TRIO: variants seen among roughly 807,000 people sequenced by gnomAD.
TRIO encodes triple functional domain protein.
In TRIO, 58 loss-of-function variants were observed where a neutral mutation model predicts 351.9. The ratio of observed to expected loss-of-function variants is 0.16; its 90% CI spans 0.13 to 0.21. TRIO has a LOEUF of 0.21. Ranked by LOEUF, TRIO falls within the 10% of genes least tolerant of loss-of-function variation. The probability of loss-of-function intolerance (pLI) is 1.00; values close to 1 mark genes in which losing one functional copy is unlikely to be tolerated. For synonymous variants in TRIO, 1,758 were observed against 1,595.7 expected (o/e 1.10, Z -2.42); for missense variants, 3,201 against 4,027.8 (o/e 0.79, Z 5.56).
At chr5:14,265,010 T>C (rs894062857) in intron 1 of TRIO, among the ~76,000 whole-genome samples, 1 of 152,242 alleles carries the variant, frequency 6.6e-6, no homozygotes, top group African/African-American at 2.4e-5. Flanking sequence ...TTTCTGGTTG[T>C]TTAAAAATAC....
chr5:14,242,416 C>T (rs1406137684), intron 1 of TRIO, among the ~76,000 whole-genome samples: 2 of 152,198 alleles, frequency 1.3e-5, no homozygotes, highest in African/African-American at 4.8e-5. Context: ...GGGCTCTTGT[C>T]AATTCTTATG....
chr5:14,298,537 C>T (rs760112930), intron 7 of TRIO, among the ~76,000 whole-genome samples: 3 of 152,182 alleles, frequency 2.0e-5, no homozygotes, highest in Non-Finnish European at 2.9e-5. Context: ...AATAGTATCT[C>T]TTTCATCTAG....
intron 11 of TRIO, among the ~76,000 whole-genome samples, chr5:14,338,858 G>A (rs1741671854): frequency 1.3e-5 from 2 of 152,194 alleles, no homozygotes; most frequent in African/African-American, 2.4e-5. Flanking sequence ...CCAGAGCCAG[G>A]TGGTTGGAGC....
At chr5:14,266,959 GT>G (rs1404881704) in intron 1 of TRIO, among the ~76,000 whole-genome samples, 1 of 152,158 alleles carries the variant, frequency 6.6e-6, no homozygotes, top group African/African-American at 2.4e-5. Flanking sequence ...CTGTTTCACT[GT>G]TTCCTGAAGC....
At chr5:14,237,854 G>A (rs1358992951) in intron 1 of TRIO, among the ~76,000 whole-genome samples, 1 of 152,124 alleles carries the variant, frequency 6.6e-6, no homozygotes, top group Non-Finnish European at 1.5e-5. Context: ...CTGCTTGCTT[G>A]GTTTTAATTT....
intron 10 of TRIO, among the ~76,000 whole-genome samples, chr5:14,336,050 G>A (rs1354703305): frequency 1.3e-5 from 2 of 152,208 alleles, no homozygotes; most frequent in African/African-American, 4.8e-5. Context: ...AAGTAGAAAT[G>A]TGTGAAAAGG....
At chr5:14,160,861 T>A (rs1429756420) in intron 1 of TRIO, among the ~76,000 whole-genome samples, 1 of 152,218 alleles carries the variant, frequency 6.6e-6, no homozygotes, top group African/African-American at 2.4e-5. Context: ...TTTGTTTGCA[T>A]GGTCTAGGAT....
chr5:14,307,405 T>C (rs769260432), intron 8 of TRIO, among the ~76,000 whole-genome samples: 1 of 152,250 alleles, frequency 6.6e-6, no homozygotes, highest in Non-Finnish European at 1.5e-5. Context: ...TGGAACGTTC[T>C]TTAGTCTTTC....
At chr5:14,414,452 G>A (rs1448599989) in intron 33 of TRIO, among the ~76,000 whole-genome samples, 2 of 152,092 alleles carry the variant, frequency 1.3e-5, no homozygotes, top group African/African-American at 2.4e-5. Context: ...CAAGTCTTCC[G>A]AGATCAATCT....
At chr5:14,433,201 A>G (rs1751317390) in intron 34 of TRIO, among the ~76,000 whole-genome samples, 1 of 152,252 alleles carries the variant, frequency 6.6e-6, no homozygotes, top group Non-Finnish European at 1.5e-5. Flanking sequence ...GTGAAAAGAT[A>G]GTAAATAAAG....
In TRIO at chr5:14,381,126, C is replaced by A. The variant is rs374786524; in HGVS notation, c.3448-4C>A. 1 of 1,613,040 alleles carries A rather than the reference C, an allele frequency of 6.2e-7. No homozygotes were observed. Among genetic ancestry groups the A allele is most frequent in the Non-Finnish European group, 8.5e-7 (1 of 1,179,488 alleles). On this transcript the variant is annotated splice_region_variant and splice_polypyrimidine_tract_variant and intron_variant, in intron 20 of 56. Coordinates refer to ENST00000344204, the MANE Select transcript of TRIO (RefSeq NM_007118.4). The stretch of plus-strand genomic sequence containing the variant: ...CTGACTCCATTCATTCCTTCCCCTT[C>A]CAGGCTTTGGAATGGATCCATGACA...
At chr5:14,415,310 C>T (rs1456320214) in intron 33 of TRIO, among the ~76,000 whole-genome samples, 1 of 152,182 alleles carries the variant, frequency 6.6e-6, no homozygotes, top group African/African-American at 2.4e-5. Context: ...TCACCCACCA[C>T]ACCAGTCCGA....
intron 34 of TRIO, among the ~76,000 whole-genome samples, chr5:14,447,178 G>GC (rs537817132): frequency 6.6e-6 from 1 of 152,164 alleles, no homozygotes; most frequent in Non-Finnish European, 1.5e-5. Flanking sequence ...GTCACAGTGA[G>GC]CCAAGATCAA....
intron 1 of TRIO, among the ~76,000 whole-genome samples, chr5:14,255,808 C>T (rs923421400): frequency 1.3e-5 from 2 of 152,120 alleles, no homozygotes; most frequent in African/African-American, 2.4e-5. Context: ...GAATTTTCCA[C>T]TTGTGGTAGA....
Position 14,488,060 on chromosome 5 carries a change from C to A in TRIO, c.7432C>A (p.Pro2478Thr), listed in dbSNP as rs1315149477. 6.2e-7 allele frequency: 1 copy of A among 1,610,012 alleles called. No individual in the cohort carries two copies. Among genetic ancestry groups the A allele is most frequent in the Admixed American group, 1.7e-5 (1 of 59,906 alleles). ...CAAGGAGCCCTTCCCCCCCAGCAGC[C>A]CCCTGCAGAAGGGGGGCTCCTTCTG... The part of the protein sequence containing the change: ...LGKEPFPPSS[P>T]LQKGGSFWSS... The change falls in exon 48 of 57, where the codon CCC becomes ACC. Residue 2478 changes from proline (P) to threonine (T), a missense_variant. By Grantham distance (38) the Pro-to-Thr change is conservative. Transcript: ENST00000344204.
At chr5:14,371,641 TG>T (rs1745112989) in intron 18 of TRIO, among the ~76,000 whole-genome samples, 2 of 149,144 alleles carry the variant, frequency 1.3e-5, no homozygotes, top group South Asian at 2.1e-4. Context: ...GTTCTGTAAA[TG>T]TTTTTTTTTT....
rs1360549872 is a variant in TRIO at position 14,207,357 on chromosome 5, C to CAGAG, written c.158-63467_158-63466insGAGA. Among the ~76,000 whole-genome samples the CAGAG allele has an allele frequency of 7.6e-5, 2 of 26,322 alleles. 1 individual carries two copies. Among genetic ancestry groups the CAGAG allele is most frequent in the African/African-American group, 1.7e-4 (2 of 11,476 alleles). The allele number at this position is 26,322 out of a possible 152,430, so 17.3% of individuals were successfully genotyped here. Reference sequence around the variant, plus strand: ...ACACACACACACACACACACACACACACACAGAGCCAGGTAGCATAGCAAG... The same window carrying CAGAG: ...ACACACACACACACACACACACACACAGAGACACAGAGCCAGGTAGCATAGCAAG... On this transcript the variant is annotated intron_variant, in intron 1 of 56. Transcript: ENST00000344204.
rs763940468 is a variant in TRIO, at chr5:14,471,326, G to A, written c.5772G>A (p.Glu1924=). ...EELVKSKMAL[E]DRPSSLLVDQ... is the part of the protein sequence containing the mutation. Reference sequence around the variant, plus strand: ...ATGTCAATTTCTTCCAGGCACTGGAGGATCGCCCCAGCTCACTCCTTGTTG... The same window carrying A: ...ATGTCAATTTCTTCCAGGCACTGGAAGATCGCCCCAGCTCACTCCTTGTTG... The change falls in exon 38 of 57, where the codon GAG becomes GAA. Residue 1924 remains glutamate (E), a synonymous_variant. Coordinates refer to ENST00000344204, the MANE Select transcript of TRIO (RefSeq NM_007118.4). The A allele has an allele frequency of 1.2e-6, 2 of 1,613,712 alleles. No homozygotes were observed. The highest frequency in any genetic ancestry group is 4.5e-5 in the East Asian group (2 of 44,890).
chr5:14,204,295 C>G (rs375621757), intron 1 of TRIO, among the ~76,000 whole-genome samples: 1 of 151,970 alleles, frequency 6.6e-6, no homozygotes, highest in Admixed American at 6.6e-5. Context: ...GGAGGGTGCC[C>G]GGGGAAGGAG....
Sources: allele counts gnomAD v4.1 joint callset (sites outside exome capture counted in the v4.1 genomes callset), GRCh38; gene constraint gnomAD v4.1.1; transcripts MANE v1.5; gene names NCBI Gene and HGNC (gene_info 2026-07-23, HGNC 2026-07-21).